MAP3K1: variants seen among roughly 807,000 people sequenced by gnomAD.
The protein encoded by MAP3K1 is mitogen-activated protein kinase kinase kinase 1.
MAP3K1 carries 36 observed loss-of-function variants against 144.2 expected under a neutral mutation model. That is an observed-to-expected ratio of 0.25 (90% CI 0.19 to 0.33). The LOEUF (loss-of-function observed/expected upper bound fraction) is 0.33. Among genes scored for constraint, MAP3K1 ranks in the 10% least tolerant of loss-of-function variants. The probability of loss-of-function intolerance (pLI) is 1.00; values close to 1 mark genes in which losing one functional copy is unlikely to be tolerated. For missense variants in MAP3K1, 1,650 were observed against 1,881.9 expected (o/e 0.88, Z 2.28); for synonymous variants, 718 against 688.7 (o/e 1.04, Z -0.67).
chr5:56,846,237 A>T (rs977240268), intron 1 of MAP3K1, among the ~76,000 whole-genome samples: 1 of 152,192 alleles, frequency 6.6e-6, no homozygotes, highest in Admixed American at 6.5e-5. Context: ...TCATTTGCCT[A>T]TGTAAATATT....
At chr5:56,827,900 C>T (rs1746369322) in intron 1 of MAP3K1, among the ~76,000 whole-genome samples, 1 of 151,710 alleles carries the variant, frequency 6.6e-6, no homozygotes, top group African/African-American at 2.4e-5. Flanking sequence ...AGGAATTAGA[C>T]CTGTTAGCTA....
At chr5:56,843,141 C>T (rs1326091366) in intron 1 of MAP3K1, among the ~76,000 whole-genome samples, 1 of 152,158 alleles carries the variant, frequency 6.6e-6, no homozygotes, top group Non-Finnish European at 1.5e-5. Context: ...GGATTTGATT[C>T]GTTTGGGTGG....
intron 1 of MAP3K1, among the ~76,000 whole-genome samples, chr5:56,821,960 T>G (rs1746164866): frequency 6.6e-6 from 1 of 152,240 alleles, no homozygotes; most frequent in African/African-American, 2.4e-5. Context: ...ATGATCTAGC[T>G]TAAGACGAGT....
chr5:56,840,097 C>T (rs1235416612), intron 1 of MAP3K1, among the ~76,000 whole-genome samples: 1 of 152,146 alleles, frequency 6.6e-6, no homozygotes, highest in African/African-American at 2.4e-5. Context: ...TATTGTGTAA[C>T]TTGCCATTGA....
At chr5:56,865,549 A>T in intron 5 of MAP3K1, 93 bp downstream of exon 5, 1 of 811,148 alleles carries the variant, frequency 1.2e-6, no homozygotes, top group Non-Finnish European at 2.1e-6. Context: ...GGCAGTGACC[A>T]TTTTAAAGGT....
chr5:56,815,557 G>A lies in MAP3K1; in HGVS notation c.-17G>A, dbSNP rs1455277236. The A allele has an allele frequency of 2.7e-5, 35 of 1,293,962 alleles. No individual in the cohort carries two copies. The highest frequency in any genetic ancestry group is 3.1e-5 in the Non-Finnish European group (32 of 1,023,836). The allele number at this position is 1,293,962 out of a possible 1,614,324, so 80.2% of individuals were successfully genotyped here. On this transcript the variant is annotated 5_prime_UTR_variant, in exon 1 of 20. It removes an upstream start codon present in the reference 5' UTR. Coordinates refer to ENST00000399503, the MANE Select transcript of MAP3K1 (RefSeq NM_005921.2). ...CCTCCCTCGCAGGGGCCGAGCGAATGTAGCCCGCGAGAGAAAATGGCGGCG... is the reference window on the plus strand; with the variant it reads ...CCTCCCTCGCAGGGGCCGAGCGAATATAGCCCGCGAGAGAAAATGGCGGCG...
At chr5:56,827,690 C>T (rs544847367) in intron 1 of MAP3K1, among the ~76,000 whole-genome samples, 1 of 152,184 alleles carries the variant, frequency 6.6e-6, no homozygotes, top group Admixed American at 6.5e-5. Context: ...ATGGTGAAAC[C>T]CCGTCTCTAC....
rs758267902 is a variant in MAP3K1, at chr5:56,815,633, G to A, written c.60G>A (p.Thr20=). 8 of 1,325,908 alleles carry A rather than the reference G, an allele frequency of 6.0e-6. No homozygotes were observed. Among genetic ancestry groups the A allele is most frequent in the East Asian group, 3.1e-5 (1 of 32,038 alleles). The allele number at this position is 1,325,908 out of a possible 1,614,324, so 82.1% of individuals were successfully genotyped here. ...SSSGFPGARA[T]SPEAGGGGGA... is the part of the protein sequence containing the mutation. ...CGGGATTCCCGGGCGCCAGGGCTAC[G>A]AGCCCTGAGGCAGGCGGCGGCGGAG... The change falls in exon 1 of 20, where the codon ACG becomes ACA. Residue 20 remains threonine, a synonymous_variant. Transcript: ENST00000399503.
intron 6 of MAP3K1, among the ~76,000 whole-genome samples, chr5:56,869,877 T>C (rs1383225167): frequency 6.6e-6 from 1 of 152,178 alleles, no homozygotes; most frequent in Non-Finnish European, 1.5e-5. Context: ...TTGACAGTTT[T>C]TCCCCATCCT....
At chr5:56,850,877 A>G (rs567357995) in intron 1 of MAP3K1, among the ~76,000 whole-genome samples, 22 of 152,214 alleles carry the variant, frequency 1.4e-4, no homozygotes, top group Non-Finnish European at 2.6e-4. Flanking sequence ...CAAACATAAT[A>G]TTTCCTTCCT....
chr5:56,816,139 T>TC, intron 1 of MAP3K1, 84 bp downstream of exon 1: 1 of 1,139,192 alleles, frequency 8.8e-7, no homozygotes, highest in Non-Finnish European at 1.1e-6. Flanking sequence ...ATGCACGGCG[T>TC]CCCGGGGTTC....
At position 56,885,959 on chromosome 5, in the gene MAP3K1, A is replaced by G; in HGVS notation, c.4010A>G (p.Lys1337Arg). The change falls in exon 17 of 20, where the codon AAA (lysine) becomes AGA (arginine). Residue 1337 changes from lysine (K) to arginine (R), a missense_variant. Lys to Arg is a conservative substitution (Grantham distance 26, BLOSUM62 2). Transcript: ENST00000399503. ...AGGSVAHLLS[K>R]YGAFKESVVI... ...GGATCGGTGGCTCATTTGCTGAGTAAATATGGAGCCTTCAAAGAATCAGTA... is the reference window on the plus strand; with the variant it reads ...GGATCGGTGGCTCATTTGCTGAGTAGATATGGAGCCTTCAAAGAATCAGTA... 1 of 1,612,794 alleles carries G rather than the reference A, an allele frequency of 6.2e-7. No individual in the cohort carries two copies. Among genetic ancestry groups the G allele is most frequent in the Non-Finnish European group, 8.5e-7 (1 of 1,178,808 alleles).
At position 56,894,027 on chromosome 5, in the gene MAP3K1, AT is replaced by A; in HGVS notation, c.*351del. 2.6e-6 allele frequency: 1 copy of A among 390,804 alleles called. No homozygotes were observed. Among genetic ancestry groups the A allele is most frequent in the South Asian group, 3.1e-5 (1 of 32,208 alleles). 24.2% of individuals were successfully genotyped at this position (390,804 alleles called of 1,614,324 possible). On this transcript the variant is annotated 3_prime_UTR_variant, in exon 20 of 20. Transcript: ENST00000399503. ...TTAGCGGCTGAGGGGCTCAGGATCT[AT>A]TTTAATATTTCAATTATTCTTCCAT... is the stretch of plus-strand genomic sequence containing the variant.
chr5:56,830,096 C>T (rs1012993050), intron 1 of MAP3K1, among the ~76,000 whole-genome samples: 1 of 152,136 alleles, frequency 6.6e-6, no homozygotes, highest in Non-Finnish European at 1.5e-5. Context: ...GATACAAAAC[C>T]GTTGGTGTCT....
At chr5:56,876,546 A>G (rs947856403) in intron 10 of MAP3K1, among the ~76,000 whole-genome samples, 5 of 152,114 alleles carry the variant, frequency 3.3e-5, no homozygotes, top group Admixed American at 2.0e-4. Context: ...TATCATTCCA[A>G]CCACAATGCT....
At position 56,818,772 on chromosome 5, in the gene MAP3K1, C is replaced by G. The variant is rs552724978; in HGVS notation, c.482+2717C>G. On this transcript the variant is annotated intron_variant, in intron 1 of 19. Transcript: ENST00000399503. ...TATTTTTGTAACTTAAAAAACCAAA[C>G]TATCAATTTGCTGGCCCCGTGAAAG... Among the ~76,000 whole-genome samples, 5 of 152,266 alleles carry G rather than the reference C, an allele frequency of 3.3e-5. No individual in the cohort carries two copies. The East Asian group carries it at 7.7e-4, about 23-fold the overall frequency.
At chr5:56,891,984 G>C (rs1748563192) in intron 19 of MAP3K1, among the ~76,000 whole-genome samples, 2 of 152,144 alleles carry the variant, frequency 1.3e-5, no homozygotes, top group Non-Finnish European at 2.9e-5. Context: ...CTCCAGCTTT[G>C]TTCTTTTGGC....
chr5:56,878,845 G>A lies in MAP3K1; in HGVS notation c.1966-135G>A, dbSNP rs1304939495. The A allele has an allele frequency of 4.0e-6, 3 of 752,694 alleles. No individual in the cohort carries two copies. The East Asian group carries it at 8.1e-5, about 20-fold the overall frequency. 46.6% of individuals were successfully genotyped at this position (752,694 alleles called of 1,614,324 possible). ...TTAGTTGTATTATTACAGAAGCATG[G>A]AATTCTTATTTTATTCTATGGGTTA... is the stretch of plus-strand genomic sequence containing the variant. On this transcript the variant is annotated intron_variant, in intron 10 of 19. Transcript: ENST00000399503.
At position 56,815,556 on chromosome 5, in the gene MAP3K1, T is replaced by A. The variant is rs1745917223; in HGVS notation, c.-18T>A. The A allele has an allele frequency of 1.5e-5, 19 of 1,292,944 alleles. No homozygotes were observed. The highest frequency in any genetic ancestry group is 1.9e-5 in the Non-Finnish European group (19 of 1,023,312). The allele number at this position is 1,292,944 out of a possible 1,614,324, so 80.1% of individuals were successfully genotyped here. A position where few individuals can be genotyped will look rare whatever the true frequency, so the allele number is the denominator to read the frequency against. On this transcript the variant is annotated 5_prime_UTR_variant, in exon 1 of 20. It removes an upstream start codon present in the reference 5' UTR. Coordinates refer to ENST00000399503, the MANE Select transcript of MAP3K1 (RefSeq NM_005921.2). ...CCCTCCCTCGCAGGGGCCGAGCGAATGTAGCCCGCGAGAGAAAATGGCGGC... is the reference window on the plus strand; with the variant it reads ...CCCTCCCTCGCAGGGGCCGAGCGAAAGTAGCCCGCGAGAGAAAATGGCGGC...
Sources: gnomAD v4.1 joint callset for allele counts (sites outside exome capture counted in the v4.1 genomes callset) on GRCh38, gnomAD v4.1.1 for gene constraint, MANE v1.5 for transcripts, NCBI Gene and HGNC (gene_info 2026-07-23, HGNC 2026-07-21) for gene names.